The following DSCAML1 variants were observed in gnomAD, a reference collection of about 807,000 sequenced individuals.
DSCAML1 encodes the protein DS cell adhesion molecule like 1.
A neutral mutation model predicts 200.5 loss-of-function variants in DSCAML1; 38 were observed. The ratio of observed to expected loss-of-function variants is 0.19; its 90% confidence interval spans 0.15 to 0.25. The LOEUF (loss-of-function observed/expected upper bound fraction) is 0.25. Ranked by LOEUF, DSCAML1 falls within the 10% of genes least tolerant of loss-of-function variation. DSCAML1 has a pLI of 1.00. For synonymous variants in DSCAML1, 1,215 were observed against 1,165.0 expected (o/e 1.04, Z -0.87); for missense variants, 2,223 against 2,858.8 (o/e 0.78, Z 5.07).
At chr11:117,431,390 G>T in intron 31 of DSCAML1, 144 bp downstream of exon 31, 1 of 757,438 alleles carries the variant, frequency 1.3e-6, no homozygotes, top group Non-Finnish European at 2.0e-6. Context: ...TGCACAGTGG[G>T]TCAGTGACCA....
intron 3 of DSCAML1, among the ~76,000 whole-genome samples, chr11:117,542,358 A>C (rs908201278): frequency 9.9e-5 from 15 of 151,590 alleles, no homozygotes; most frequent in Admixed American, 2.6e-4. Flanking sequence ...AACAACAAAA[A>C]AAAAACAGTG....
intron 11 of DSCAML1, among the ~76,000 whole-genome samples, chr11:117,497,090 C>T (rs541733743): frequency 1.3e-5 from 2 of 152,160 alleles, no homozygotes; most frequent in Non-Finnish European, 2.9e-5. Context: ...ACTGGCGACA[C>T]ATGCCCTCGA....
intron 3 of DSCAML1, among the ~76,000 whole-genome samples, chr11:117,643,455 G>A (rs778999263): frequency 6.6e-6 from 1 of 152,228 alleles, no homozygotes; most frequent in Non-Finnish European, 1.5e-5. Flanking sequence ...CTCCCTGTGA[G>A]GCTGACCCTT....
At chr11:117,571,309 C>T (rs1217206386) in intron 3 of DSCAML1, among the ~76,000 whole-genome samples, 1 of 152,224 alleles carries the variant, frequency 6.6e-6, no homozygotes, top group Non-Finnish European at 1.5e-5. Flanking sequence ...AGCTGTCACT[C>T]TTACCCATCC....
Position 117,461,562 on chromosome 11 carries a change from C to T in DSCAML1, c.3300G>A (p.Leu1100=), listed in dbSNP as rs759604883. The T allele has an allele frequency of 3.1e-6, 5 of 1,613,980 alleles. No individual in the cohort carries two copies. The South Asian group carries it at 4.4e-5, about 14-fold the overall frequency. ...PSQPPENVRA[L]SITSDVAVIS... ...TGACGGCCACGTCAGAAGTGATGGACAGGGCCCGGACGTTCTCAGGGGGCT... is the reference window on the plus strand; with the variant it reads ...TGACGGCCACGTCAGAAGTGATGGATAGGGCCCGGACGTTCTCAGGGGGCT... The change falls in exon 18 of 33, where the codon CTG becomes CTA. Residue 1100 remains leucine (L), a synonymous_variant. Transcript: ENST00000651296.
chr11:117,615,252 A>G (rs868158862), intron 3 of DSCAML1, among the ~76,000 whole-genome samples: 16 of 151,842 alleles, frequency 1.1e-4, no homozygotes, highest in Middle Eastern at 3.4e-3. Flanking sequence ...TTGAAAATAA[A>G]AGAAAACACT....
chr11:117,654,631 C>T (rs945881315), intron 3 of DSCAML1, among the ~76,000 whole-genome samples: 5 of 152,086 alleles, frequency 3.3e-5, no homozygotes, highest in Middle Eastern at 3.2e-3. Context: ...GATTTACTGC[C>T]GAGATGTCAC....
At chr11:117,544,012 C>T (rs2050322262) in intron 3 of DSCAML1, among the ~76,000 whole-genome samples, 2 of 152,012 alleles carry the variant, frequency 1.3e-5, no homozygotes, top group Admixed American at 1.3e-4. Context: ...AGGAAGGTCC[C>T]AGTAGGCAAT....
rs775641440 is a variant in DSCAML1, at chr11:117,780,575, G to C, written c.282C>G (p.Ser94Arg). 1 of 1,573,586 alleles carries C rather than the reference G, an allele frequency of 6.4e-7. No individual in the cohort carries two copies. Among genetic ancestry groups the C allele is most frequent in the South Asian group, 1.2e-5 (1 of 85,416 alleles). ...AGAAGTAGTCATTGTCGTGGATAAA[G>C]CTATTGAAGGCGGAGGGGGAGAAGG... is the stretch of plus-strand genomic sequence containing the variant. ...LYPFSPSAFN[S>R]FIHDNDYFCT... Residue 94 changes from serine (S) to arginine (R), a missense_variant, in exon 2 of 33, where the codon AGC becomes AGG. Transcript: ENST00000651296. This position sits in a 1 kb window ranked among gnomAD's most constrained non-coding sequence, Gnocchi z 4.8.
At chr11:117,809,749 G>A (rs2055740984) in intron 1 of DSCAML1, among the ~76,000 whole-genome samples, 1 of 152,122 alleles carries the variant, frequency 6.6e-6, no homozygotes, top group African/African-American at 2.4e-5. Context: ...CGCTCCAGAT[G>A]CTAGGTCCAC....
At chr11:117,649,107 G>A (rs905544238) in intron 3 of DSCAML1, among the ~76,000 whole-genome samples, 10 of 118,422 alleles carry the variant, frequency 8.4e-5, no homozygotes, top group East Asian at 2.7e-4. Flanking sequence ...ACAGAATTTC[G>A]CTCTTGTCAC....
chr11:117,490,472 G>A (rs941886746), intron 11 of DSCAML1, among the ~76,000 whole-genome samples: 4 of 152,172 alleles, frequency 2.6e-5, no homozygotes, highest in African/African-American at 9.7e-5. Flanking sequence ...CACGGGGATT[G>A]CAAACTCTGC....
At chr11:117,614,940 C>T (rs2051779904) in intron 3 of DSCAML1, among the ~76,000 whole-genome samples, 1 of 152,196 alleles carries the variant, frequency 6.6e-6, no homozygotes, top group South Asian at 2.1e-4. Context: ...TGCAGACAAG[C>T]CCAGGGCAGG....
intron 3 of DSCAML1, among the ~76,000 whole-genome samples, chr11:117,616,744 T>C (rs1024061597): frequency 6.6e-5 from 10 of 152,252 alleles, no homozygotes; most frequent in Non-Finnish European, 1.0e-4. Flanking sequence ...CAGATGTGTT[T>C]ACTTTATGAA....
At chr11:117,814,940 G>C (rs968729523) in intron 1 of DSCAML1, among the ~76,000 whole-genome samples, 1 of 152,372 alleles carries the variant, frequency 6.6e-6, no homozygotes, top group Non-Finnish European at 1.5e-5. Flanking sequence ...AGGACACCGG[G>C]TTCCCGTGTG....
At chr11:117,697,818 C>T (rs1339055953) in intron 3 of DSCAML1, among the ~76,000 whole-genome samples, 1 of 149,310 alleles carries the variant, frequency 6.7e-6, no homozygotes, top group East Asian at 2.0e-4. Context: ...GTCGCCGAGG[C>T]TGGAGTGCAG....
In DSCAML1 at chr11:117,610,840, ACCC is replaced by A. The variant is rs5795096; in HGVS notation, c.512-78321_512-78319del. Among the ~76,000 whole-genome samples, 167 of 112,656 alleles carry A rather than the reference ACCC, an allele frequency of 1.5e-3. 2 individuals carry two copies. Among genetic ancestry groups the A allele is most frequent in the African/African-American group, 5.1e-3 (153 of 29,944 alleles). 73.9% of individuals were successfully genotyped at this position (112,656 alleles called of 152,430 possible). On this transcript the variant is annotated intron_variant, in intron 3 of 32. Coordinates refer to ENST00000651296, the MANE Select transcript of DSCAML1 (RefSeq NM_020693.4). ...CAAACCCCTAAACCAAACCAAAACAACCCCCCCCCCCCACAATGTGTTCGTAGA... is the reference window on the plus strand; with the variant it reads ...CAAACCCCTAAACCAAACCAAAACAACCCCCCCCCACAATGTGTTCGTAGA...
At chr11:117,438,789 T>C (rs1405796365) in intron 24 of DSCAML1, 96 bp downstream of exon 24, 1 of 1,155,320 alleles carries the variant, frequency 8.7e-7, no homozygotes, top group East Asian at 3.1e-5. Flanking sequence ...GTTTCTGTCA[T>C]TTGGAGACAA....
chr11:117,516,780 A>G lies in DSCAML1; in HGVS notation c.1511-41T>C, dbSNP rs755623433. On this transcript the variant is annotated intron_variant, in intron 7 of 32. Coordinates refer to ENST00000651296, the MANE Select transcript of DSCAML1 (RefSeq NM_020693.4). This position sits in a 1 kb window ranked among gnomAD's most constrained non-coding sequence, Gnocchi z 5.7. ...AAGAGAGGAGGAGGAGGAGAAGGGC[A>G]TGTGCTGCTGTCAGCCAGGGACAGC... The G allele has an allele frequency of 5.7e-6, 9 of 1,582,048 alleles. No individual in the cohort carries two copies. The East Asian group carries it at 1.8e-4, about 32-fold the overall frequency.
Sources: allele counts gnomAD v4.1 joint callset (sites outside exome capture counted in the v4.1 genomes callset), GRCh38; gene constraint gnomAD v4.1.1; non-coding constraint Gnocchi (gnomAD v3.1); transcripts MANE v1.5; gene names NCBI Gene and HGNC (gene_info 2026-07-23, HGNC 2026-07-21).